Variants in SLC25A40 observed in about 807,000 individuals in gnomAD.
The protein encoded by SLC25A40 is mitochondrial glutathione transporter SLC25A40.
SLC25A40 carries 41 observed loss-of-function variants against 46.5 expected under a neutral mutation model. That is an observed-to-expected ratio of 0.88 (90% CI 0.69 to 1.14). The LOEUF is 1.14. Among genes scored for constraint, SLC25A40 ranks in the 50% most tolerant of loss-of-function variants. The pLI is 0.00. For missense variants in SLC25A40, 386 were observed against 393.6 expected, an observed-to-expected ratio of 0.98 and a Z score of 0.16; for synonymous variants, 126 against 127.5, an observed-to-expected ratio of 0.99 and a Z score of 0.08.
chr7:87,840,234 C>T (rs1289290834), intron 10 of SLC25A40, among the ~76,000 whole-genome samples: 2 of 151,632 alleles, frequency 1.3e-5, no homozygotes, highest in African/African-American at 4.8e-5. Flanking sequence ...AAAGATGGCT[C>T]CCTGGTGCCA....
At chr7:87,855,313 A>C (rs1838592856) in intron 4 of SLC25A40, among the ~76,000 whole-genome samples, 1 of 152,254 alleles carries the variant, frequency 6.6e-6, no homozygotes, top group African/African-American at 2.4e-5. Flanking sequence ...GTGGTATGCA[A>C]GGGAAATTCA....
intron 8 of SLC25A40, among the ~76,000 whole-genome samples, chr7:87,846,319 T>C (rs1358809897): frequency 6.6e-6 from 1 of 152,194 alleles, no homozygotes; most frequent in East Asian, 1.9e-4. Context: ...TATATTCTTA[T>C]TGAGAGTTTC....
chr7:87,849,232 C>T (rs1291139608), intron 6 of SLC25A40, among the ~76,000 whole-genome samples: 1 of 152,092 alleles, frequency 6.6e-6, no homozygotes, highest in African/African-American at 2.4e-5. Flanking sequence ...GGCTTGGTTG[C>T]TCAAACCTTA....
chr7:87,866,764 A>T (rs1838808124), intron 1 of SLC25A40, among the ~76,000 whole-genome samples: 1 of 152,216 alleles, frequency 6.6e-6, no homozygotes, highest in African/African-American at 2.4e-5. Context: ...CGATAAGTTA[A>T]AGATCTTAAG....
chr7:87,847,030 T>C lies in SLC25A40; in HGVS notation c.550A>G (p.Ser184Gly). The change falls in exon 8 of 12, where the codon AGC becomes GGC. Residue 184 changes from serine to glycine, a missense_variant. By Grantham distance (56) the Ser-to-Gly change is moderately conservative. Coordinates refer to ENST00000341119, the MANE Select transcript of SLC25A40 (RefSeq NM_018843.4). Reference sequence around the variant, plus strand: ...CAACCATCTTCAGATACTTTCTTGCTGACAAATCGATGCAGTTCCACGTAA... The same window carrying C: ...CAACCATCTTCAGATACTTTCTTGCCGACAAATCGATGCAGTTCCACGTAA... ...FSYVELHRFV[S>G]KKVSEDGWIS... 6.2e-7 allele frequency: 1 copy of C among 1,613,880 alleles called. No individual in the cohort carries two copies. The highest frequency in any genetic ancestry group is 8.5e-7 in the Non-Finnish European group (1 of 1,179,864).
rs771352674 is a variant in SLC25A40, at chr7:87,836,749, T to C, written c.885A>G (p.Gly295=). The C allele has an allele frequency of 6.5e-6, 10 of 1,548,964 alleles. No homozygotes were observed. The South Asian group carries it at 1.2e-4, about 19-fold the overall frequency. Residue 295 remains glycine, a synonymous_variant, in exon 11 of 12, where the codon GGA becomes GGG. Coordinates refer to ENST00000341119, the MANE Select transcript of SLC25A40 (RefSeq NM_018843.4). Reference sequence around the variant, plus strand: ...TTTTACCTGAAAATAATCCGGAAAATCCATTTTTAGCAACAATGTTCTTCA... The same window carrying C: ...TTTTACCTGAAAATAATCCGGAAAACCCATTTTTAGCAACAATGTTCTTCA... ...IIMKNIVAKN[G]FSGLFSGLIP...
chr7:87,847,850 C>A lies in SLC25A40; in HGVS notation c.457+3G>T. The A allele has an allele frequency of 6.3e-7, 1 of 1,596,070 alleles. No individual in the cohort carries two copies. Among genetic ancestry groups the A allele is most frequent in the Non-Finnish European group, 8.5e-7 (1 of 1,174,980 alleles). On this transcript the variant is annotated splice_donor_region_variant and intron_variant, in intron 7 of 11. Transcript: ENST00000341119. ...AAAATGAAAATAAAGATTTATTACT[C>A]ACATCTGGCTACAATTCCAGCAACA...
chr7:87,840,080 A>G (rs1247305966), intron 10 of SLC25A40, among the ~76,000 whole-genome samples: 1 of 151,810 alleles, frequency 6.6e-6, no homozygotes, highest in Non-Finnish European at 1.5e-5. Context: ...TCATAGCTGA[A>G]GTAGGCTAAC....
intron 1 of SLC25A40, among the ~76,000 whole-genome samples, chr7:87,861,988 G>T (rs1169926371): frequency 1.3e-5 from 2 of 151,836 alleles, no homozygotes; most frequent in African/African-American, 2.4e-5. Context: ...AATGAAAAAT[G>T]AGTCTCCTTT....
intron 1 of SLC25A40, among the ~76,000 whole-genome samples, chr7:87,875,219 C>A (rs1310306237): frequency 2.0e-5 from 3 of 152,196 alleles, no homozygotes; most frequent in Admixed American, 2.0e-4. Context: ...TCCACTTCTG[C>A]TAGACATTTC....
chr7:87,863,657 A>T (rs1170061909), intron 1 of SLC25A40, among the ~76,000 whole-genome samples: 1 of 151,704 alleles, frequency 6.6e-6, no homozygotes, highest in African/African-American at 2.4e-5. Flanking sequence ...TAGTGTGTCA[A>T]GATCAAATCA....
chr7:87,858,846 G>A, intron 2 of SLC25A40, 95 bp from the exon 3 acceptor site: 1 of 679,428 alleles, frequency 1.5e-6, no homozygotes, highest in South Asian at 1.7e-5. Context: ...CATCACATTA[G>A]TAAGACAACT....
intron 8 of SLC25A40, among the ~76,000 whole-genome samples, chr7:87,845,807 T>G (rs1838408114): frequency 6.6e-6 from 1 of 152,194 alleles, no homozygotes; most frequent in Non-Finnish European, 1.5e-5. Context: ...GATACCACTT[T>G]AAATTATTAA....
intron 1 of SLC25A40, among the ~76,000 whole-genome samples, chr7:87,865,949 G>A (rs1193137560): frequency 6.6e-6 from 1 of 152,082 alleles, no homozygotes; most frequent in East Asian, 1.9e-4. Context: ...CAGGTGTGGT[G>A]GCACACACCT....
chr7:87,854,242 G>T lies in SLC25A40; in HGVS notation c.226C>A (p.Leu76Ile). 1 of 1,613,124 alleles carries T rather than the reference G, an allele frequency of 6.2e-7. No homozygotes were observed. Among genetic ancestry groups the T allele is most frequent in the Non-Finnish European group, 8.5e-7 (1 of 1,179,358 alleles). ...AAATTTCCTGGCTTCTTATACCATA[G>T]TTTGTTGCCTCCCTCTTCACAGACA... ...LCVCEEGGNKLWYKKPGNFQG... is the reference protein window; with the variant it reads ...LCVCEEGGNKIWYKKPGNFQG... Residue 76 changes from leucine to isoleucine, a missense_variant, in exon 5 of 12, where the codon CTA (leucine) becomes ATA (isoleucine). Coordinates refer to ENST00000341119, the MANE Select transcript of SLC25A40 (RefSeq NM_018843.4).
intron 10 of SLC25A40, among the ~76,000 whole-genome samples, chr7:87,839,133 C>T (rs928705538): frequency 1.3e-5 from 2 of 151,484 alleles, no homozygotes; most frequent in Non-Finnish European, 3.0e-5. Context: ...CTCTTACCAT[C>T]ATGGCATAAG....
rs1584320674 is a variant in SLC25A40 at position 87,836,873 on chromosome 7, AT to A, written c.824-64del. On this transcript the variant is annotated intron_variant, in intron 10 of 11. Transcript: ENST00000341119. ...AACAATTTAATAATTCCTACTACAG[AT>A]AACATAGTGTCCATGGCCCTTGCGG... The A allele has an allele frequency of 4.9e-6, 5 of 1,012,088 alleles. No individual in the cohort carries two copies. The East Asian group carries it at 1.6e-4, about 32-fold the overall frequency. The allele number at this position is 1,012,088 out of a possible 1,614,324, so 62.7% of individuals were successfully genotyped here.
At chr7:87,854,392 T>A in intron 4 of SLC25A40, 82 bp from the exon 5 acceptor site, 1 of 764,844 alleles carries the variant, frequency 1.3e-6, no homozygotes, top group Non-Finnish European at 2.2e-6. Flanking sequence ...GACATCACAA[T>A]GAGGAAACTA....
intron 1 of SLC25A40, among the ~76,000 whole-genome samples, chr7:87,866,380 A>G (rs1396493129): frequency 1.3e-5 from 2 of 151,990 alleles, no homozygotes; most frequent in African/African-American, 4.8e-5. Flanking sequence ...CCTGGCCTGT[A>G]TGGCTTCTGT....
Sources: gnomAD v4.1 joint callset for allele counts (sites outside exome capture counted in the v4.1 genomes callset) on GRCh38, gnomAD v4.1.1 for gene constraint, MANE v1.5 for transcripts, NCBI Gene and HGNC (gene_info 2026-07-23, HGNC 2026-07-21) for gene names.